KAZN: variants seen among roughly 807,000 people sequenced by gnomAD.
KAZN encodes the protein kazrin, periplakin interacting protein, also known as kazrin.
Under a neutral mutation model 87.4 loss-of-function variants are expected in KAZN, and 40 were observed. The ratio of observed to expected loss-of-function variants is 0.46; its 90% CI spans 0.36 to 0.60. KAZN has a LOEUF of 0.60. KAZN is among the 20% of genes least tolerant of loss of function. KAZN has a pLI of 0.00. For synonymous variants in KAZN, 466 were observed against 458.3 expected, an observed-to-expected ratio of 1.02 and a Z score of -0.22; for missense variants, 898 against 1,073.9, an observed-to-expected ratio of 0.84 and a Z score of 2.29.
intron 2 of KAZN, among the ~76,000 whole-genome samples, chr1:14,555,286 A>G (rs1028100546): frequency 1.3e-5 from 2 of 152,246 alleles, no homozygotes; most frequent in East Asian, 1.9e-4. Context: ...AAGTGACTCA[A>G]GGCACACAGT....
At chr1:14,588,339 C>A (rs1557818698) in intron 2 of KAZN, among the ~76,000 whole-genome samples, 1 of 152,198 alleles carries the variant, frequency 6.6e-6, no homozygotes, top group African/African-American at 2.4e-5. Flanking sequence ...TGTAAAATAT[C>A]TTCATTCAGT....
At chr1:14,453,020 A>G (rs1394912173) in intron 2 of KAZN, among the ~76,000 whole-genome samples, 2 of 152,122 alleles carry the variant, frequency 1.3e-5, no homozygotes, top group East Asian at 1.9e-4. Flanking sequence ...CAGTGGCGCA[A>G]TCTCGGCTCA....
At chr1:14,708,393 G>A (rs183353374) in intron 1 of KAZN, among the ~76,000 whole-genome samples, 73 of 152,306 alleles carry the variant, frequency 4.8e-4, no homozygotes, top group Non-Finnish European at 8.1e-4. Flanking sequence ...CCAAGGAGCC[G>A]ATTTAAATCC....
At chr1:14,659,454 C>G (rs942085196) in intron 1 of KAZN, among the ~76,000 whole-genome samples, 2 of 152,038 alleles carry the variant, frequency 1.3e-5, no homozygotes, top group Non-Finnish European at 1.5e-5. Context: ...GAATAAAAAT[C>G]ATCACTTACC....
chr1:14,291,724 A>G (rs1653708577), intron 2 of KAZN, among the ~76,000 whole-genome samples: 1 of 152,244 alleles, frequency 6.6e-6, no homozygotes, highest in Non-Finnish European at 1.5e-5. Flanking sequence ...GAGATGAACC[A>G]GGTACCTCAG....
intron 2 of KAZN, among the ~76,000 whole-genome samples, chr1:14,408,437 G>C (rs938050061): frequency 1.3e-5 from 2 of 152,182 alleles, no homozygotes; most frequent in Non-Finnish European, 2.9e-5. Flanking sequence ...GTCAGCTTGG[G>C]CTGCTATAAC....
chr1:14,912,144 CAAAAAAAA>C (rs34227761), intron 1 of KAZN, among the ~76,000 whole-genome samples: 108 of 81,682 alleles, frequency 1.3e-3, no homozygotes, highest in South Asian at 5.8e-3. Flanking sequence ...GACTCCACCT[CAAAAAAAA>C]AAAAAAAAAA....
At chr1:14,138,590 A>C (rs1207263155) in intron 1 of KAZN, among the ~76,000 whole-genome samples, 3 of 152,164 alleles carry the variant, frequency 2.0e-5, no homozygotes, top group Non-Finnish European at 4.4e-5. Flanking sequence ...GAAGGTGGAC[A>C]TCTCCGCATT....
chr1:14,553,213 G>A (rs1673650325), intron 2 of KAZN, among the ~76,000 whole-genome samples: 1 of 151,998 alleles, frequency 6.6e-6, no homozygotes, highest in African/African-American at 2.4e-5. Flanking sequence ...TGTCTCTACT[G>A]AAAACACAAA....
intron 1 of KAZN, among the ~76,000 whole-genome samples, chr1:14,080,235 C>T (rs902081392): frequency 1.5e-5 from 1 of 67,398 alleles, no homozygotes. Flanking sequence ...GAATGAGTAA[C>T]TTGAAGAGGT....
intron 2 of KAZN, among the ~76,000 whole-genome samples, chr1:14,348,355 A>T (rs1387325527): frequency 6.6e-6 from 1 of 152,130 alleles, no homozygotes; most frequent in African/African-American, 2.4e-5. Flanking sequence ...CCTAACCCAT[A>T]TACTACTTCT....
intron 1 of KAZN, among the ~76,000 whole-genome samples, chr1:14,179,139 A>G (rs997938573): frequency 2.6e-5 from 4 of 152,110 alleles, no homozygotes; most frequent in African/African-American, 7.2e-5. Flanking sequence ...CACAGGATTG[A>G]TATTCAGCCA....
intron 1 of KAZN, among the ~76,000 whole-genome samples, chr1:14,727,760 C>T (rs900673409): frequency 5.3e-5 from 8 of 151,630 alleles, no homozygotes; most frequent in East Asian, 2.0e-4. Flanking sequence ...GCCACCGCTT[C>T]GGCTGTGTAT....
At chr1:14,971,232 T>C (rs1664992477) in intron 2 of KAZN, among the ~76,000 whole-genome samples, 1 of 152,104 alleles carries the variant, frequency 6.6e-6, no homozygotes, top group Admixed American at 6.5e-5. Context: ...ACACTGTCCT[T>C]ACTAAAAATA....
chr1:14,483,123 T>G (rs989879788), intron 2 of KAZN, among the ~76,000 whole-genome samples: 4 of 152,190 alleles, frequency 2.6e-5, no homozygotes, highest in African/African-American at 9.7e-5. Context: ...CCCATCCAAG[T>G]TTACACTTCA....
At chr1:14,273,551 A>T (rs1046899740) in intron 2 of KAZN, among the ~76,000 whole-genome samples, 1 of 152,222 alleles carries the variant, frequency 6.6e-6, no homozygotes, top group East Asian at 1.9e-4. Flanking sequence ...AGTTAAAAAA[A>T]ATATACAGTT....
At chr1:14,624,387 A>G (rs1410810464) in intron 1 of KAZN, among the ~76,000 whole-genome samples, 3 of 151,286 alleles carry the variant, frequency 2.0e-5, no homozygotes, top group Non-Finnish European at 1.5e-5. Flanking sequence ...GCGCCACTGC[A>G]CTCCAGCCTG....
chr1:14,540,816 C>T (rs1026023369), intron 2 of KAZN, among the ~76,000 whole-genome samples: 1 of 152,144 alleles, frequency 6.6e-6, no homozygotes, highest in African/African-American at 2.4e-5. Flanking sequence ...TCTACCTTGT[C>T]CTCTACATGT....
chr1:14,592,218 G>A (rs541148858), intron 2 of KAZN, among the ~76,000 whole-genome samples: 45 of 152,280 alleles, frequency 3.0e-4, no homozygotes, highest in African/African-American at 8.4e-4. Flanking sequence ...CAGAGACTCC[G>A]TCTGTGGAGA....
Sources: allele counts gnomAD v4.1 joint callset (sites outside exome capture counted in the v4.1 genomes callset), GRCh38; gene constraint gnomAD v4.1.1; transcripts MANE v1.5; gene names NCBI Gene and HGNC (gene_info 2026-07-23, HGNC 2026-07-21).